The following RARB variants were observed in gnomAD, a reference collection of about 807,000 sequenced individuals.
RARB encodes the protein retinoic acid receptor beta.
A neutral mutation model predicts 51.9 loss-of-function variants in RARB; 17 were observed. That is an observed-to-expected ratio of 0.33 (90% CI 0.22 to 0.49). The LOEUF is 0.49. Among genes scored for constraint, RARB ranks in the 20% least tolerant of loss-of-function variants. The pLI, the probability that RARB is intolerant of heterozygous loss-of-function variation, is 0.99. For missense variants in RARB, 369 were observed against 550.8 expected (o/e 0.67, Z 3.30); for synonymous variants, 215 against 195.4 (o/e 1.10, Z -0.84).
At chr3:25,526,691 A>G (rs536275694) in intron 3 of RARB, among the ~76,000 whole-genome samples, 2 of 152,266 alleles carry the variant, frequency 1.3e-5, no homozygotes, top group Admixed American at 1.3e-4. Context: ...TGGATGGATG[A>G]GTGGGTGAAT....
intron 2 of RARB, among the ~76,000 whole-genome samples, chr3:25,048,986 T>C (rs35779991): frequency 0.42 from 63,457 of 151,954 alleles, 15,479 homozygotes; most frequent in East Asian, 0.58. Flanking sequence ...TCTCCTGACC[T>C]TGTGATCCAC....
chr3:25,416,209 TCATCTCTACTAAAAATGAAAATAAAAA>T (rs1707698697), intron 5 of RARB, among the ~76,000 whole-genome samples: 1 of 152,176 alleles, frequency 6.6e-6, no homozygotes, highest in Non-Finnish European at 1.5e-5. Flanking sequence ...TAGTGATACC[TCATCTCTACTAAAAATGAAAATAAAAA>T]CAATTAGTCA....
chr3:25,113,516 T>G (rs1026484475), intron 3 of RARB, among the ~76,000 whole-genome samples: 11 of 152,296 alleles, frequency 7.2e-5, no homozygotes, highest in Admixed American at 3.3e-4. Flanking sequence ...ATTGCCTTAT[T>G]TCATAGAAAG....
intron 4 of RARB, among the ~76,000 whole-genome samples, chr3:25,158,179 A>C (rs753294412): frequency 2.4e-4 from 37 of 152,186 alleles, no homozygotes; most frequent in Non-Finnish European, 4.9e-4. Flanking sequence ...TTTCCTTACA[A>C]ACTTTCCTTC....
intron 3 of RARB, among the ~76,000 whole-genome samples, chr3:25,102,657 A>C (rs1699426931): frequency 6.6e-6 from 1 of 152,190 alleles, no homozygotes; most frequent in Admixed American, 6.5e-5. Context: ...TATTCAGATC[A>C]GCTAAAGTCT....
chr3:25,474,926 G>T (rs915090696), intron 2 of RARB, among the ~76,000 whole-genome samples: 2 of 152,090 alleles, frequency 1.3e-5, no homozygotes, highest in African/African-American at 4.8e-5. Context: ...GTCTCATGTT[G>T]TGTACAGTAT....
At chr3:25,358,807 C>T (rs904684503) in intron 5 of RARB, among the ~76,000 whole-genome samples, 1 of 152,272 alleles carries the variant, frequency 6.6e-6, no homozygotes, top group Admixed American at 6.5e-5. Context: ...GTTGAACCAG[C>T]CTTGCATCCC....
chr3:25,403,985 AT>A (rs537957830), intron 5 of RARB, among the ~76,000 whole-genome samples: 16 of 144,976 alleles, frequency 1.1e-4, no homozygotes, highest in South Asian at 6.6e-4. Flanking sequence ...ATATTTCAGG[AT>A]TTTTTTTTTC....
chr3:25,390,770 C>A (rs1706929971), intron 5 of RARB, among the ~76,000 whole-genome samples: 1 of 152,162 alleles, frequency 6.6e-6, no homozygotes, highest in Non-Finnish European at 1.5e-5. Context: ...AACTTTCAAC[C>A]TGCTTGCTTC....
At chr3:25,382,821 G>A (rs1706669895) in intron 5 of RARB, among the ~76,000 whole-genome samples, 1 of 152,158 alleles carries the variant, frequency 6.6e-6, no homozygotes, top group Non-Finnish European at 1.5e-5. Context: ...TCATGCCACG[G>A]CACTCCAGCC....
At chr3:25,506,018 A>G (rs1365555201) in intron 3 of RARB, among the ~76,000 whole-genome samples, 2 of 152,188 alleles carry the variant, frequency 1.3e-5, no homozygotes, top group Non-Finnish European at 2.9e-5. Flanking sequence ...GCCTGATCAT[A>G]TGCATTTAAG....
intron 3 of RARB, among the ~76,000 whole-genome samples, chr3:25,547,584 T>C (rs1267852284): frequency 6.6e-6 from 1 of 152,230 alleles, no homozygotes; most frequent in Non-Finnish European, 1.5e-5. Context: ...ATGAGTTCAG[T>C]GGGTTACCCT....
chr3:25,465,903 C>G (rs1695408592), intron 2 of RARB, among the ~76,000 whole-genome samples: 1 of 152,074 alleles, frequency 6.6e-6, no homozygotes, highest in Admixed American at 6.5e-5. Flanking sequence ...AAATTTAATG[C>G]AAAATTTTGG....
At chr3:25,518,375 C>T (rs1163765665) in intron 3 of RARB, among the ~76,000 whole-genome samples, 1 of 151,920 alleles carries the variant, frequency 6.6e-6, no homozygotes, top group Non-Finnish European at 1.5e-5. Flanking sequence ...CACAGATTTT[C>T]TAGATACTGA....
chr3:24,968,386 C>A (rs1246619114), intron 2 of RARB, among the ~76,000 whole-genome samples: 2 of 152,050 alleles, frequency 1.3e-5, no homozygotes, highest in African/African-American at 4.8e-5. Flanking sequence ...ACATACTTTT[C>A]TTTTGGGGTT....
intron 3 of RARB, among the ~76,000 whole-genome samples, chr3:25,514,488 G>T (rs933471612): frequency 6.6e-6 from 1 of 151,548 alleles, no homozygotes; most frequent in African/African-American, 2.4e-5. Flanking sequence ...ATTTTACCAA[G>T]CGTAAAATAC....
rs1553634027 is a variant in RARB at position 25,111,593 on chromosome 3, T to TTTTTC, written c.-327-20564_-327-20563insCTTTT. 3.3e-4 allele frequency among the ~76,000 whole-genome samples: 49 copies of TTTTTC among 150,262 alleles called. 1 individual carries two copies. Among genetic ancestry groups the TTTTTC allele is most frequent in the African/African-American group, 1.2e-3 (49 of 40,880 alleles). On this transcript the variant is annotated intron_variant, in intron 3 of 11. Coordinates refer to the RARB transcript ENST00000383772. ...CCGTTTCTAACAGTGGTTTTTTTTT[T>TTTTTC]TTTTTTTTTGAGACGGAGTCTGTCA...
At chr3:25,064,008 C>A (rs1339593038) in intron 3 of RARB, among the ~76,000 whole-genome samples, 1 of 151,962 alleles carries the variant, frequency 6.6e-6, no homozygotes, top group Non-Finnish European at 1.5e-5. Context: ...ATTCTCAGGG[C>A]AGCCATAGAG....
chr3:24,940,236 A>T (rs1368329328), intron 2 of RARB, among the ~76,000 whole-genome samples: 1 of 152,110 alleles, frequency 6.6e-6, no homozygotes, highest in Non-Finnish European at 1.5e-5. Flanking sequence ...TTCATTTAAC[A>T]ATTTCATACT....
Sources: gnomAD v4.1 joint callset for allele counts (sites outside exome capture counted in the v4.1 genomes callset) on GRCh38, gnomAD v4.1.1 for gene constraint, MANE v1.5 for transcripts, NCBI Gene and HGNC (gene_info 2026-07-23, HGNC 2026-07-21) for gene names.